The following TBL1Y variants were observed in gnomAD, a reference collection of about 807,000 sequenced individuals.
The protein encoded by TBL1Y is transducin beta like 1 Y-linked.
A neutral mutation model predicts 12.0 loss-of-function variants in TBL1Y; 15 were observed. The ratio of observed to expected loss-of-function variants is 1.25; its 90% CI spans 0.83 to 1.92. The LOEUF (loss-of-function observed/expected upper bound fraction) is 1.92, where lower values mean the gene tolerates loss of function less well. TBL1Y is among the 40% of genes most tolerant of loss of function. The pLI, the probability that TBL1Y is intolerant of heterozygous loss-of-function variation, is 0.00. For synonymous variants in TBL1Y, 53 were observed against 42.6 expected (o/e 1.24, Z -0.95); for missense variants, 148 against 116.7 (o/e 1.27, Z -1.24).
intron 8 of TBL1Y, among the ~76,000 whole-genome samples, chrY:7,068,624 A>G: frequency 6.3e-5 from 2 of 31,622 alleles, no homozygotes; most frequent in African/African-American, 2.5e-4. Context: ...TCCCCTGTGC[A>G]TGTGGCCAGT....
At chrY:7,034,855 T>TA (rs2012678945) in intron 6 of TBL1Y, among the ~76,000 whole-genome samples, 1 of 33,672 alleles carries the variant, frequency 3.0e-5, no homozygotes, top group Non-Finnish European at 7.4e-5. Context: ...CCTAAAATGA[T>TA]AAAAACCCTA....
chrY:6,962,048 G>A, intron 2 of TBL1Y, among the ~76,000 whole-genome samples: 12 of 33,857 alleles, frequency 3.5e-4, no homozygotes, highest in Non-Finnish European at 8.8e-4. Flanking sequence ...CTGTCTCATG[G>A]ACAAATGACA....
chrY:7,043,876 C>T, intron 7 of TBL1Y, among the ~76,000 whole-genome samples: 1 of 33,382 alleles, frequency 3.0e-5, no homozygotes, highest in Non-Finnish European at 7.4e-5. Context: ...TGACAGAGGG[C>T]ATCACCAGAG....
chrY:6,990,843 C>T (rs2012359528), intron 3 of TBL1Y, among the ~76,000 whole-genome samples: 1 of 32,716 alleles, frequency 3.1e-5, no homozygotes, highest in East Asian at 8.0e-4. Context: ...AGGCGTGAGA[C>T]ACCGCGCCCG....
At chrY:6,963,748 G>C in intron 2 of TBL1Y, among the ~76,000 whole-genome samples, 2 of 33,477 alleles carry the variant, frequency 6.0e-5, no homozygotes, top group East Asian at 1.6e-3. Context: ...GCTGTGGCGG[G>C]GGATAACTGT....
intron 4 of TBL1Y, among the ~76,000 whole-genome samples, chrY:6,997,443 T>C: frequency 3.0e-5 from 1 of 33,261 alleles, no homozygotes; most frequent in Admixed American, 2.7e-4. Flanking sequence ...TTTGCTAAAA[T>C]AAATCGGAGA....
At chrY:7,021,676 C>A (rs2124150414) in intron 5 of TBL1Y, 139 bp downstream of exon 5, 1 of 33,685 alleles carries the variant, frequency 3.0e-5, no homozygotes, top group Admixed American at 2.7e-4. Flanking sequence ...TTTGTCCTTG[C>A]TGAAATTGAA....
At chrY:7,057,832 A>C (rs2012832234) in intron 7 of TBL1Y, among the ~76,000 whole-genome samples, 1 of 34,101 alleles carries the variant, frequency 2.9e-5, no homozygotes, top group Non-Finnish European at 7.3e-5. Flanking sequence ...GCCATCTGGC[A>C]AGCAGCCCCT....
intron 4 of TBL1Y, among the ~76,000 whole-genome samples, chrY:6,999,168 C>A (rs759336588): frequency 3.0e-5 from 1 of 33,570 alleles, no homozygotes; most frequent in African/African-American, 1.2e-4. Flanking sequence ...AATGAGCCTC[C>A]TGAGAGCAAG....
At chrY:7,087,897 G>C in intron 17 of TBL1Y, among the ~76,000 whole-genome samples, 5 of 33,539 alleles carry the variant, frequency 1.5e-4, no homozygotes, top group African/African-American at 3.5e-4. Flanking sequence ...ACGCACACCA[G>C]CTCCTGCAGC....
intron 2 of TBL1Y, among the ~76,000 whole-genome samples, chrY:6,944,000 C>T: frequency 3.0e-5 from 1 of 33,827 alleles, no homozygotes; most frequent in Non-Finnish European, 7.3e-5. Context: ...CTGCACCATG[C>T]TGGGCCACAT....
intron 6 of TBL1Y, among the ~76,000 whole-genome samples, chrY:7,035,998 A>G (rs771998533): frequency 3.0e-5 from 1 of 33,484 alleles, no homozygotes; most frequent in East Asian, 8.0e-4. Flanking sequence ...TGCAGACTAT[A>G]TGATTCCATC....
chrY:7,062,950 C>T (rs2124173607), intron 7 of TBL1Y, among the ~76,000 whole-genome samples: 1 of 33,974 alleles, frequency 2.9e-5, no homozygotes, highest in African/African-American at 1.1e-4. Flanking sequence ...CTTTTCTTTC[C>T]CTGGTCTGTG....
At chrY:6,979,001 A>G (rs2012265111) in intron 3 of TBL1Y, among the ~76,000 whole-genome samples, 1 of 32,026 alleles carries the variant, frequency 3.1e-5, no homozygotes, top group African/African-American at 1.2e-4. Flanking sequence ...GTGGCATGAT[A>G]TCGTCTCACT....
intron 7 of TBL1Y, among the ~76,000 whole-genome samples, chrY:7,056,979 G>A (rs2124169102): frequency 3.0e-5 from 1 of 33,576 alleles, no homozygotes. Context: ...CTGCTGTGTC[G>A]TTCCTCTATT....
At chrY:7,062,517 G>C in intron 7 of TBL1Y, among the ~76,000 whole-genome samples, 2 of 33,290 alleles carry the variant, frequency 6.0e-5, no homozygotes, top group African/African-American at 1.2e-4. Flanking sequence ...GACCTATGAA[G>C]GTATTGGGGG....
chrY:7,064,083 C>T lies in TBL1Y; in HGVS notation c.391C>T (p.Gln131Ter). Residue 131 changes from glutamine to a stop codon, truncating the protein, a stop_gained, in exon 8 of 19, where the codon CAG becomes TAG. Coordinates refer to ENST00000383032, the MANE Select transcript of TBL1Y (RefSeq NM_033284.2). LOFTEE classifies it high-confidence loss of function. ...AATMTPAAIS[Q>*]QNPPKNREAT... The stretch of plus-strand genomic sequence containing the variant: ...AACCATGACCCCAGCTGCTATTTCC[C>T]AGCAAAATCCTCCAAAGAACCGAGA... 2 of 398,273 alleles carry T rather than the reference C, an allele frequency of 5.0e-6. No homozygotes were observed. Among genetic ancestry groups the T allele is most frequent in the Non-Finnish European group, 7.1e-6 (2 of 283,368 alleles).
At chrY:7,063,031 C>G in intron 7 of TBL1Y, among the ~76,000 whole-genome samples, 3 of 32,165 alleles carry the variant, frequency 9.3e-5, no homozygotes, top group East Asian at 8.4e-4. Context: ...ATTTTTTTTC[C>G]CGCGTGTTGC....
chrY:7,054,086 A>G lies in TBL1Y; in HGVS notation c.205-9811A>G, dbSNP rs995113088. ...AACATAAATCTCAAACTTTGGGGCT[A>G]CCTTCTCCTGGAGTTTCTCCTGGCT... On this transcript the variant is annotated intron_variant, in intron 7 of 18. Transcript: ENST00000383032. 1.5e-4 allele frequency among the ~76,000 whole-genome samples: 5 copies of G among 33,994 alleles called. No homozygotes were observed. In the South Asian group the frequency reaches 3.3e-3, roughly 23 times the overall value. The allele number at this position is 33,994 out of a possible 37,273, so 91.2% of individuals were successfully genotyped here. A position where few individuals can be genotyped will look rare whatever the true frequency, so the allele number is the denominator to read the frequency against.
Sources: allele counts gnomAD v4.1 joint callset (sites outside exome capture counted in the v4.1 genomes callset), GRCh38; gene constraint gnomAD v4.1.1; transcripts MANE v1.5; gene names NCBI Gene and HGNC (gene_info 2026-07-23, HGNC 2026-07-21).